SORL1: variants seen among roughly 807,000 people sequenced by gnomAD.
The protein encoded by SORL1 is sortilin related receptor 1, also known as sortilin-related receptor.
A neutral mutation model predicts 273.7 loss-of-function variants in SORL1; 127 were observed. The ratio of observed to expected loss-of-function variants is 0.46; its 90% CI spans 0.40 to 0.54. SORL1 has a LOEUF of 0.54. SORL1 is among the 20% of genes least tolerant of loss of function. SORL1 has a pLI of 0.00. For synonymous variants in SORL1, 1,031 were observed against 1,067.4 expected (o/e 0.97, Z 0.66); for missense variants, 2,494 against 2,846.1 (o/e 0.88, Z 2.81).
intron 1 of SORL1, among the ~76,000 whole-genome samples, chr11:121,459,525 C>A (rs1860958502): frequency 6.6e-6 from 1 of 152,192 alleles, no homozygotes; most frequent in Non-Finnish European, 1.5e-5. Context: ...CGGTGGTTGG[C>A]TCTAGGGCAT....
chr11:121,591,156 G>T lies in SORL1; in HGVS notation c.4369G>T (p.Ala1457Ser). ...TGACGAGGAAGCCTGCCCCTTGCTT[G>T]GTGAGTTCTGGCCCAGGTCCTCTCC... ...GSDEEACPLL[A>S]NVTAASTPTQ... Residue 1457 changes from alanine to serine, a missense_variant and splice_region_variant, in exon 31 of 48, where the codon GCA becomes TCA. Around this residue, in one of 3 missense-constraint regions of SORL1, gnomAD observed 1,609 missense variants for 1,816.4 expected, o/e 0.89. Coordinates refer to ENST00000260197, the MANE Select transcript of SORL1 (RefSeq NM_003105.6). The T allele has an allele frequency of 6.2e-7, 1 of 1,614,108 alleles. No homozygotes were observed. The highest frequency in any genetic ancestry group is 1.1e-5 in the South Asian group (1 of 91,052).
rs531980659 is a variant in SORL1, at chr11:121,611,239, G to A, written c.5322+81G>A. On this transcript the variant is annotated intron_variant, in intron 39 of 47. Coordinates refer to ENST00000260197, the MANE Select transcript of SORL1 (RefSeq NM_003105.6). ...TGAAAGGACATAGCACAGTAAGACT[G>A]GAAAAAAACAAAAAACAAAAAACAA... 21 of 984,876 alleles carry A rather than the reference G, an allele frequency of 2.1e-5. 2 individuals carry two copies. The South Asian group carries it at 3.0e-4, about 14-fold the overall frequency. The allele number at this position is 984,876 out of a possible 1,614,324, so 61.0% of individuals were successfully genotyped here. A position where few individuals can be genotyped will look rare whatever the true frequency, so the allele number is the denominator to read the frequency against.
chr11:121,591,726 G>A (rs1460327181), intron 31 of SORL1, among the ~76,000 whole-genome samples: 1 of 152,188 alleles, frequency 6.6e-6, no homozygotes, highest in Admixed American at 6.5e-5. Flanking sequence ...AGGATCCTGT[G>A]TTCTTTCCTA....
intron 4 of SORL1, 31 bp from the exon 5 acceptor site, chr11:121,490,012 C>T: frequency 6.4e-7 from 1 of 1,553,730 alleles, no homozygotes; most frequent in Non-Finnish European, 8.9e-7. Flanking sequence ...ATTATACATG[C>T]CTCTTGCATC....
intron 5 of SORL1, among the ~76,000 whole-genome samples, chr11:121,493,442 A>T (rs1040872407): frequency 6.6e-6 from 1 of 151,974 alleles, no homozygotes; most frequent in African/African-American, 2.4e-5. Flanking sequence ...TTTTTAGTAG[A>T]TATGAAGTTT....
At chr11:121,492,807 T>TC (rs1861573498) in intron 5 of SORL1, among the ~76,000 whole-genome samples, 1 of 454 alleles carries the variant, frequency 2.2e-3, no homozygotes, top group African/African-American at 2.8e-3. Flanking sequence ...TTAAGGGTCA[T>TC]TTTTTTTTTT....
chr11:121,553,726 C>G (rs146150474), intron 16 of SORL1, among the ~76,000 whole-genome samples: 10 of 152,312 alleles, frequency 6.6e-5, no homozygotes, highest in Non-Finnish European at 4.4e-5. Context: ...GATGAAGAAA[C>G]AGATTCACTG....
rs1209191354 is a variant in SORL1, at chr11:121,629,547, C to G, written c.6629C>G (p.Pro2210Arg). The G allele has an allele frequency of 6.4e-7, 1 of 1,557,962 alleles. No homozygotes were observed. Among genetic ancestry groups the G allele is most frequent in the African/African-American group, 1.4e-5 (1 of 73,748 alleles). Residue 2210 changes from proline (P) to arginine (R), a missense_variant, in exon 48 of 48, where the codon CCC becomes CGC. Coordinates refer to ENST00000260197, the MANE Select transcript of SORL1 (RefSeq NM_003105.6). ...ATAACTGGATTTTCAGATGACGTCC[C>G]CATGGTGATAGCCTGAAAGAGCTTT... ...PMITGFSDDV[P>R]MVIA
At chr11:121,517,670 C>G (rs1179461117) in intron 8 of SORL1, among the ~76,000 whole-genome samples, 3 of 152,208 alleles carry the variant, frequency 2.0e-5, no homozygotes, top group Non-Finnish European at 4.4e-5. Context: ...TTTACAGAGT[C>G]ATGAAGGCCT....
At chr11:121,492,633 T>C (rs780591741) in intron 5 of SORL1, among the ~76,000 whole-genome samples, 1 of 152,206 alleles carries the variant, frequency 6.6e-6, no homozygotes, top group Non-Finnish European at 1.5e-5. Flanking sequence ...ATTGTAACTT[T>C]GGTAGAGAGT....
rs773566488 is a variant in SORL1, at chr11:121,583,482, C to T, written c.3605C>T (p.Ser1202Phe). 1 of 1,613,050 alleles carries T rather than the reference C, an allele frequency of 6.2e-7. No homozygotes were observed. Among genetic ancestry groups the T allele is most frequent in the South Asian group, 1.1e-5 (1 of 90,942 alleles). ...GCCATCTATCACACCTGTGAGGCCT[C>T]CAACTTCCAGTGCCGAAACGGGCAC... ...CTAIYHTCEA[S>F]NFQCRNGHCI... is the part of the protein sequence containing the mutation. The change falls in exon 26 of 48, where the codon TCC (serine) becomes TTC (phenylalanine). Residue 1202 changes from serine (S) to phenylalanine (F), a missense_variant. Transcript: ENST00000260197.
chr11:121,609,240 A>T (rs1250194857), intron 38 of SORL1: 2 of 152,184 alleles, frequency 1.3e-5, no homozygotes, highest in Non-Finnish European at 2.9e-5. Flanking sequence ...GGTCATGGAG[A>T]GTCACTATCT....
chr11:121,626,351 T>C (rs79717841), intron 46 of SORL1: 1 of 152,148 alleles, frequency 6.6e-6, no homozygotes, highest in East Asian at 1.9e-4. Context: ...CCAGCCTTCA[T>C]TGTGCCGACT....
At chr11:121,519,532 G>A (rs1020500370) in intron 8 of SORL1, among the ~76,000 whole-genome samples, 3 of 151,964 alleles carry the variant, frequency 2.0e-5, no homozygotes, top group African/African-American at 7.3e-5. Flanking sequence ...ATTCTCTTAA[G>A]AATATAACCC....
chr11:121,545,217 T>C lies in SORL1; in HGVS notation c.1865-26T>C, dbSNP rs775691497. 3.1e-5 allele frequency: 50 copies of C among 1,613,020 alleles called. 1 individual carries two copies. The highest frequency in any genetic ancestry group is 4.2e-5 in the Non-Finnish European group (49 of 1,179,128). ...CCCTACATGGGCCTGCCTCTAATGC[T>C]TCGTGCTGTGTTCCTTTTTCTTTAG... On this transcript the variant is annotated intron_variant, in intron 13 of 47. Transcript: ENST00000260197.
At chr11:121,557,699 T>C (rs907049383) in intron 19 of SORL1, among the ~76,000 whole-genome samples, 2 of 152,200 alleles carry the variant, frequency 1.3e-5, no homozygotes, top group Non-Finnish European at 2.9e-5. Flanking sequence ...ACAGGCCTGC[T>C]TGGATATTGT....
chr11:121,469,288 A>C (rs1263490535), intron 1 of SORL1, among the ~76,000 whole-genome samples: 1 of 152,210 alleles, frequency 6.6e-6, no homozygotes, highest in Non-Finnish European at 1.5e-5. Flanking sequence ...AGCCTGGACC[A>C]GAGTCTGCGG....
rs1414976016 is a variant in SORL1 at position 121,633,327 on chromosome 11, T to C, written c.*3764T>C. 2 of 152,210 alleles carry C rather than the reference T, an allele frequency of 1.3e-5. No individual in the cohort carries two copies. The highest frequency in any genetic ancestry group is 3.8e-4 in the East Asian group (2 of 5,198). The allele number at this position is 152,210 out of a possible 1,614,324, so 9.4% of individuals were successfully genotyped here. ...CCAAGAATGGTATGAGTTTCATGTG[T>C]AATAGCTCAAATGGAATAAGCATGA... On this transcript the variant is annotated 3_prime_UTR_variant, in exon 48 of 48. Transcript: ENST00000260197.
intron 5 of SORL1, among the ~76,000 whole-genome samples, chr11:121,493,010 A>T (rs1028580868): frequency 6.7e-5 from 10 of 148,754 alleles, no homozygotes; most frequent in African/African-American, 2.5e-4. Context: ...TGAGAGTCTC[A>T]CTCTGTTACC....
Sources: gnomAD v4.1 joint callset for allele counts (sites outside exome capture counted in the v4.1 genomes callset) on GRCh38, gnomAD v4.1.1 for gene constraint, gnomAD v4.1.1 regional missense constraint, MANE v1.5 for transcripts, NCBI Gene and HGNC (gene_info 2026-07-23, HGNC 2026-07-21) for gene names.